JAK3: variants seen among roughly 807,000 people sequenced by gnomAD.
JAK3 encodes tyrosine-protein kinase JAK3.
In JAK3, 88 loss-of-function variants were observed where a neutral mutation model predicts 120.8. The ratio of observed to expected loss-of-function variants is 0.73; its 90% confidence interval spans 0.61 to 0.87. JAK3 has a LOEUF of 0.87. Ranked by LOEUF, JAK3 falls within the 40% of genes least tolerant of loss-of-function variation. JAK3 has a pLI of 0.00. For missense variants in JAK3, 1,254 were observed against 1,501.4 expected (o/e 0.84, Z 2.72); for synonymous variants, 592 against 628.6 (o/e 0.94, Z 0.87).
intron 13 of JAK3, among the ~76,000 whole-genome samples, chr19:17,836,575 G>C (rs1287275485): frequency 6.6e-6 from 1 of 152,114 alleles, no homozygotes; most frequent in Non-Finnish European, 1.5e-5. Context: ...CCCAGCCTCT[G>C]TATCTCACTT....
Position 17,831,605 on chromosome 19 carries a change from C to G in JAK3, c.2805+69G>C. The stretch of plus-strand genomic sequence containing the variant: ...AACCACTCCTCAGCCTTCACCGCGA[C>G]CTCCAAGCAGACCCCTGCCCAGGCC... On this transcript the variant is annotated intron_variant, in intron 20 of 23. Transcript: ENST00000458235. The surrounding 1 kb of genome is among the most constrained non-coding windows in gnomAD (Gnocchi z 5.1). The G allele has an allele frequency of 6.4e-7, 1 of 1,563,100 alleles. No homozygotes were observed. The highest frequency in any genetic ancestry group is 8.6e-7 in the Non-Finnish European group (1 of 1,156,460).
In JAK3 at chr19:17,842,585, G is replaced by C; in HGVS notation, c.592C>G (p.Leu198Val). Residue 198 changes from leucine to valine, a missense_variant, in exon 6 of 24, where the codon CTG becomes GTG. Physicochemically the swap from Leu to Val is conservative, Grantham distance 32. Around this residue, in one of 3 missense-constraint regions of JAK3, gnomAD observed 486 missense variants for 503.0 expected, o/e 0.97. Coordinates refer to ENST00000458235, the MANE Select transcript of JAK3 (RefSeq NM_000215.4). The surrounding 1 kb of genome is among the most constrained non-coding windows in gnomAD (Gnocchi z 6.4). ...VSYKACLPPS[L>V]RDLIQGLSFV... is the part of the protein sequence containing the mutation. ...CTCAGGCCCTGGATCAGGTCGCGCAGGCTTGGGGGTAGGCAGGCCTTGTAG... is the reference window on the plus strand; with the variant it reads ...CTCAGGCCCTGGATCAGGTCGCGCACGCTTGGGGGTAGGCAGGCCTTGTAG... 6.3e-7 allele frequency: 1 copy of C among 1,583,622 alleles called. No individual in the cohort carries two copies. Among genetic ancestry groups the C allele is most frequent in the East Asian group, 2.3e-5 (1 of 43,536 alleles).
Position 17,842,479 on chromosome 19 carries a change from G to T in JAK3, c.698C>A (p.Ser233Ter). The T allele has an allele frequency of 1.3e-6, 2 of 1,599,812 alleles. No individual in the cohort carries two copies. The highest frequency in any genetic ancestry group is 1.7e-6 in the Non-Finnish European group (2 of 1,174,164). Residue 233 changes from serine (S) to a stop codon, truncating the protein, a stop_gained, in exon 6 of 24, where the codon TCG becomes TAG. Transcript: ENST00000458235. LOFTEE classifies it high-confidence loss of function. The surrounding 1 kb of genome is among the most constrained non-coding windows in gnomAD (Gnocchi z 6.4). ...RVAACQADRH[S>*]LMAKYIMDLE... ...GTCCATGATGTACTTGGCCATGAGC[G>T]AGTGCCGGTCTGCCTGGCAGGCGGC...
At position 17,843,118 on chromosome 19, in the gene JAK3, G is replaced by T; in HGVS notation, c.475C>A (p.Gln159Lys). 1 of 1,609,778 alleles carries T rather than the reference G, an allele frequency of 6.2e-7. No homozygotes were observed. The change falls in exon 5 of 24, where the codon CAG (glutamine) becomes AAG (lysine). Residue 159 changes from glutamine to lysine, a missense_variant. Gln to Lys is a moderately conservative substitution (Grantham distance 53). Transcript: ENST00000458235. This position sits in a 1 kb window ranked among gnomAD's most constrained non-coding sequence, Gnocchi z 5.4. ...ACGGCCAGGCTGAGACACTCACCCT[G>T]CTCCTTGAGACTGAGGCCCACGGGG... ...RLPVGLSLKE[Q>K]GECLSLAVLD...
Position 17,842,054 on chromosome 19 carries a change from T to C in JAK3, c.861+262A>G, listed in dbSNP as rs977947151. 6.6e-6 allele frequency among the ~76,000 whole-genome samples: 1 copy of C among 151,574 alleles called. No homozygotes were observed. Among genetic ancestry groups the C allele is most frequent in the African/African-American group, 2.4e-5 (1 of 41,190 alleles). Reference sequence around the variant, plus strand: ...CTCGGAGCCTCACTCTGCCTCTTAGTCTTGCCTCGTTCCAGCGCCCACCCA... The same window carrying C: ...CTCGGAGCCTCACTCTGCCTCTTAGCCTTGCCTCGTTCCAGCGCCCACCCA... On this transcript the variant is annotated intron_variant, in intron 6 of 23. Coordinates refer to ENST00000458235, the MANE Select transcript of JAK3 (RefSeq NM_000215.4). This position sits in a 1 kb window ranked among gnomAD's most constrained non-coding sequence, Gnocchi z 6.4.
intron 1 of JAK3, 64 bp downstream of exon 1, chr19:17,847,876 CAGCCAT>C: frequency 1.3e-6 from 1 of 777,700 alleles, no homozygotes. Context: ...TGCCCCAGCC[CAGCCAT>C]CCCCCGCCAC....
At chr19:17,836,526 C>T (rs1187991522) in intron 13 of JAK3, among the ~76,000 whole-genome samples, 1 of 152,210 alleles carries the variant, frequency 6.6e-6, no homozygotes, top group Non-Finnish European at 1.5e-5. Context: ...AGGTGATCCA[C>T]TCGCCTCGGC....
In JAK3 at chr19:17,846,014, C is replaced by T. The variant is rs1364075421; in HGVS notation, c.-13-1584G>A. Among the ~76,000 whole-genome samples the T allele has an allele frequency of 2.0e-5, 3 of 152,042 alleles. No individual in the cohort carries two copies. In the East Asian group the frequency reaches 5.8e-4, roughly 30 times the overall value. ...TGTATTTTTGGTAGAGACGGGGTTT[C>T]ACCATGTTGGCGAGGCTGGTCTGGA... On this transcript the variant is annotated intron_variant, in intron 1 of 23. Transcript: ENST00000458235.
intron 10 of JAK3, among the ~76,000 whole-genome samples, chr19:17,838,733 T>TTTTTTG (rs398034136): frequency 4.5e-4 from 62 of 137,378 alleles, no homozygotes; most frequent in Non-Finnish European, 6.7e-4. Context: ...TTTTTTTTTT[T>TTTTTTG]GAGACAGAGT....
chr19:17,840,326 G>A lies in JAK3; in HGVS notation c.1158C>T (p.Ile386=), dbSNP rs769474021. Residue 386 remains isoleucine, a synonymous_variant, in exon 9 of 24, where the codon ATC becomes ATT. Coordinates refer to ENST00000458235, the MANE Select transcript of JAK3 (RefSeq NM_000215.4). ...CHGPITLDFA[I]NKLKTGGSRP... is the part of the protein sequence containing the mutation. ...GTGAGCCCCCAGTCTTGAGCTTGTT[G>A]ATGGCAAAGTCCAGACTGTGGGGGA... is the stretch of plus-strand genomic sequence containing the variant. 5.6e-6 allele frequency: 9 copies of A among 1,613,108 alleles called. No individual in the cohort carries two copies. In the South Asian group the frequency reaches 9.9e-5, roughly 18 times the overall value.
Position 17,830,638 on chromosome 19 carries a change from T to C in JAK3, c.2979-18A>G. ...GGGCATACCTGGAGAGGGGACAAGG[T>C]CTTGAGATGCGAGGGTGTAGAAAGG... On this transcript the variant is annotated intron_variant, in intron 21 of 23. Coordinates refer to ENST00000458235, the MANE Select transcript of JAK3 (RefSeq NM_000215.4). 6.3e-7 allele frequency: 1 copy of C among 1,596,816 alleles called. No individual in the cohort carries two copies. The highest frequency in any genetic ancestry group is 1.1e-5 in the South Asian group (1 of 90,654).
chr19:17,842,777 A>G lies in JAK3; in HGVS notation c.567-167T>C, dbSNP rs1297606608. On this transcript the variant is annotated intron_variant, in intron 5 of 23. Transcript: ENST00000458235. This position sits in a 1 kb window ranked among gnomAD's most constrained non-coding sequence, Gnocchi z 6.4. Reference sequence around the variant, plus strand: ...GTCAGGTATGAGGACCGGACCTCAGAGTAGGGGAGGGCCATTGGCGCCCAC... The same window carrying G: ...GTCAGGTATGAGGACCGGACCTCAGGGTAGGGGAGGGCCATTGGCGCCCAC... The G allele has an allele frequency of 1.1e-6, 1 of 878,304 alleles. No homozygotes were observed. The highest frequency in any genetic ancestry group is 1.7e-6 in the Non-Finnish European group (1 of 581,836). The allele number at this position is 878,304 out of a possible 1,614,324, so 54.4% of individuals were successfully genotyped here.
chr19:17,829,479 C>T (rs1233335455), intron 23 of JAK3, among the ~76,000 whole-genome samples: 1 of 151,598 alleles, frequency 6.6e-6, no homozygotes, highest in East Asian at 2.0e-4. Context: ...TTAAATTAGC[C>T]AGGCATGGTG....
chr19:17,845,800 T>C (rs1274996572), intron 1 of JAK3, among the ~76,000 whole-genome samples: 1 of 151,978 alleles, frequency 6.6e-6, no homozygotes, highest in African/African-American at 2.4e-5. Flanking sequence ...GCCCTGTGGC[T>C]GGGGTGGGGC....
chr19:17,846,109 C>T (rs3212702), intron 1 of JAK3, among the ~76,000 whole-genome samples: 2,602 of 152,158 alleles, frequency 0.017, 72 homozygotes, highest in African/African-American at 0.059. Flanking sequence ...TGAGAAACTG[C>T]GCCTGGCCTA....
chr19:17,843,280 A>G lies in JAK3; in HGVS notation c.420+100T>C. The stretch of plus-strand genomic sequence containing the variant: ...GGCTGACCCCCACCCCTGGACTGCC[A>G]CAGGGAGGGTCAGACGAGGCCCCAC... On this transcript the variant is annotated intron_variant, in intron 4 of 23. Transcript: ENST00000458235. This position sits in a 1 kb window ranked among gnomAD's most constrained non-coding sequence, Gnocchi z 5.4. The G allele has an allele frequency of 6.5e-7, 1 of 1,528,516 alleles. No individual in the cohort carries two copies. 94.7% of individuals were successfully genotyped at this position (1,528,516 alleles called of 1,614,324 possible). A position where few individuals can be genotyped will look rare whatever the true frequency, so the allele number is the denominator to read the frequency against.
At position 17,842,614 on chromosome 19, in the gene JAK3, C is replaced by T; in HGVS notation, c.567-4G>A. 1 of 1,566,752 alleles carries T rather than the reference C, an allele frequency of 6.4e-7. No individual in the cohort carries two copies. Among genetic ancestry groups the T allele is most frequent in the Admixed American group, 1.8e-5 (1 of 54,328 alleles). ...TGGGGGTAGGCAGGCCTTGTAGCTG[C>T]AGGGGTTGGAGGGGAGGGAGCCGGC... On this transcript the variant is annotated splice_region_variant and splice_polypyrimidine_tract_variant and intron_variant, in intron 5 of 23. Transcript: ENST00000458235. The surrounding 1 kb of genome is among the most constrained non-coding windows in gnomAD (Gnocchi z 6.4).
chr19:17,826,850 C>A lies in JAK3; in HGVS notation c.3268G>T (p.Ala1090Ser). The part of the protein sequence containing the change: ...PSPQDRPSFS[A>S]LGPQLDMLWS... ...AGCATGTCCAGCTGGGGGCCCAGGG[C>A]GCTGAATGATGGCCGGTCCTGTGGG... Residue 1090 changes from alanine to serine, a missense_variant, in exon 24 of 24, where the codon GCC becomes TCC. This residue lies in a region of JAK3 where 630 missense variants were observed against 819.8 expected (regional missense o/e 0.77). Coordinates refer to ENST00000458235, the MANE Select transcript of JAK3 (RefSeq NM_000215.4). The A allele has an allele frequency of 6.2e-7, 1 of 1,613,906 alleles. No individual in the cohort carries two copies. The highest frequency in any genetic ancestry group is 8.5e-7 in the Non-Finnish European group (1 of 1,180,038).
In JAK3 at chr19:17,843,110, C is replaced by T. The variant is rs746576270; in HGVS notation, c.483G>A (p.Glu161=). Residue 161 remains glutamate (E), a synonymous_variant, in exon 5 of 24, where the codon GAG becomes GAA. Coordinates refer to ENST00000458235, the MANE Select transcript of JAK3 (RefSeq NM_000215.4). This position sits in a 1 kb window ranked among gnomAD's most constrained non-coding sequence, Gnocchi z 5.4. ...PVGLSLKEQG[E]CLSLAVLDLA... is the part of the protein sequence containing the mutation. ...GGTCCAACACGGCCAGGCTGAGACA[C>T]TCACCCTGCTCCTTGAGACTGAGGC... is the stretch of plus-strand genomic sequence containing the variant. 2.5e-6 allele frequency: 4 copies of T among 1,610,172 alleles called. No individual in the cohort carries two copies. The highest frequency in any genetic ancestry group is 1.1e-5 in the South Asian group (1 of 91,072).
Sources: allele counts gnomAD v4.1 joint callset (sites outside exome capture counted in the v4.1 genomes callset), GRCh38; gene constraint gnomAD v4.1.1; regional missense constraint gnomAD v4.1.1; non-coding constraint Gnocchi (gnomAD v3.1); transcripts MANE v1.5; gene names NCBI Gene and HGNC (gene_info 2026-07-23, HGNC 2026-07-21).